The following TOGARAM1 variants were observed in gnomAD, a reference collection of about 807,000 sequenced individuals.
The protein encoded by TOGARAM1 is TOG array regulator of axonemal microtubules 1, also known as TOG array regulator of axonemal microtubules protein 1.
A neutral mutation model predicts 166.6 loss-of-function variants in TOGARAM1; 100 were observed. The ratio of observed to expected loss-of-function variants is 0.60; its 90% CI spans 0.51 to 0.71. The LOEUF (loss-of-function observed/expected upper bound fraction) is 0.71, where lower values mean the gene tolerates loss of function less well. Ranked by LOEUF, TOGARAM1 falls within the 30% of genes least tolerant of loss-of-function variation. The pLI is 0.00. For synonymous variants in TOGARAM1, 758 were observed against 763.8 expected (o/e 0.99, Z 0.13); for missense variants, 2,029 against 2,102.7 (o/e 0.96, Z 0.69).
At chr14:45,028,582 G>A (rs966782027) in intron 10 of TOGARAM1, among the ~76,000 whole-genome samples, 2 of 152,100 alleles carry the variant, frequency 1.3e-5, no homozygotes, top group African/African-American at 4.8e-5. Context: ...AAATATTCCT[G>A]TTTTACTGAG....
At chr14:45,016,014 A>G (rs774107633) in intron 7 of TOGARAM1, among the ~76,000 whole-genome samples, 2 of 152,160 alleles carry the variant, frequency 1.3e-5, no homozygotes, top group Non-Finnish European at 2.9e-5. Context: ...AAATGGGGAA[A>G]TAGCTATCTC....
chr14:44,985,184 T>A (rs1003125558), intron 1 of TOGARAM1, among the ~76,000 whole-genome samples: 4 of 152,150 alleles, frequency 2.6e-5, no homozygotes, highest in African/African-American at 4.8e-5. Flanking sequence ...TGGCTAATTT[T>A]TGTATTTTTA....
At chr14:44,983,880 T>A (rs887429409) in intron 1 of TOGARAM1, among the ~76,000 whole-genome samples, 4 of 152,212 alleles carry the variant, frequency 2.6e-5, no homozygotes, top group African/African-American at 9.6e-5. Flanking sequence ...TTAGTGTAAA[T>A]GTTGCTTATG....
At position 45,004,151 on chromosome 14, in the gene TOGARAM1, C is replaced by T; in HGVS notation, c.2429C>T (p.Pro810Leu). Residue 810 changes from proline (P) to leucine (L), a missense_variant, in exon 4 of 20, where the codon CCA (proline) becomes CTA (leucine). Pro to Leu is a moderately conservative substitution (Grantham distance 98). Around this residue, in one of 2 missense-constraint regions of TOGARAM1, gnomAD observed 1,453 missense variants for 1,432.2 expected, o/e 1.01. Transcript: ENST00000361462. ...TCCTCAAATGGTCAAAATCCAAGTC[C>T]AGGAGCTTACATCCTTCCATCCTAT... The part of the protein sequence containing the change: ...CTSSNGQNPS[P>L]GAYILPSYPV... 1.2e-6 allele frequency: 2 copies of T among 1,614,110 alleles called. No homozygotes were observed. Among genetic ancestry groups the T allele is most frequent in the Non-Finnish European group, 1.7e-6 (2 of 1,180,002 alleles).
Position 44,963,634 on chromosome 14 carries a change from G to A in TOGARAM1, c.1213G>A (p.Asp405Asn). The change falls in exon 1 of 20, where the codon GAT becomes AAT. Residue 405 changes from aspartate (D) to asparagine (N), a missense_variant. Transcript: ENST00000361462. ...TAGTTTGCTATATAATTTGTTAGACGATTCTAACTTCAAAGTGGTGCATGG... is the reference window on the plus strand; with the variant it reads ...TAGTTTGCTATATAATTTGTTAGACAATTCTAACTTCAAAGTGGTGCATGG... Reference protein sequence around the residue: ...FISLLYNLLDDSNFKVVHGTL... With the variant: ...FISLLYNLLDNSNFKVVHGTL... The A allele has an allele frequency of 1.9e-6, 3 of 1,613,244 alleles. No homozygotes were observed. Among genetic ancestry groups the A allele is most frequent in the Non-Finnish European group, 2.5e-6 (3 of 1,180,006 alleles).
intron 3 of TOGARAM1, among the ~76,000 whole-genome samples, chr14:45,000,351 C>T (rs1887640397): frequency 6.6e-6 from 1 of 152,136 alleles, no homozygotes; most frequent in African/African-American, 2.4e-5. Context: ...ACCTACTTCT[C>T]ACTGCCCTTG....
intron 8 of TOGARAM1, among the ~76,000 whole-genome samples, chr14:45,027,086 A>G (rs567246960): frequency 2.0e-4 from 30 of 152,312 alleles, no homozygotes; most frequent in African/African-American, 7.0e-4. Context: ...TATAATATGC[A>G]GCTCTCACTT....
chr14:45,069,862 AT>A (rs1447175310), intron 18 of TOGARAM1, among the ~76,000 whole-genome samples: 3 of 152,130 alleles, frequency 2.0e-5, no homozygotes, highest in African/African-American at 7.2e-5. Flanking sequence ...AGAACAAAAT[AT>A]TAGGAACATG....
At chr14:44,965,294 G>A (rs1566592098) in intron 1 of TOGARAM1, among the ~76,000 whole-genome samples, 1 of 152,120 alleles carries the variant, frequency 6.6e-6, no homozygotes, top group African/African-American at 2.4e-5. Context: ...GTAACAGACA[G>A]CCTGTATTTA....
At chr14:45,045,307 G>GC (rs940146397) in intron 13 of TOGARAM1, among the ~76,000 whole-genome samples, 14 of 150,782 alleles carry the variant, frequency 9.3e-5, no homozygotes, top group Non-Finnish European at 1.6e-4. Flanking sequence ...TTTATCCCTC[G>GC]CCCCCCTCCT....
In TOGARAM1 at chr14:44,962,193, T is replaced by A. The variant is rs1885168357; in HGVS notation, c.-229T>A. ...CATGGAAGCAATCGGTTTGGTCACG[T>A]GGTGCCCTTGGTTACGCCCGGTGGC... is the stretch of plus-strand genomic sequence containing the variant. On this transcript the variant is annotated 5_prime_UTR_variant, in exon 1 of 20. Coordinates refer to ENST00000361462, the MANE Select transcript of TOGARAM1 (RefSeq NM_001308120.2). 2.0e-6 allele frequency: 1 copy of A among 495,028 alleles called. No individual in the cohort carries two copies. Among genetic ancestry groups the A allele is most frequent in the Admixed American group, 3.7e-5 (1 of 26,998 alleles). The allele number at this position is 495,028 out of a possible 1,614,324, so 30.7% of individuals were successfully genotyped here.
intron 10 of TOGARAM1, among the ~76,000 whole-genome samples, chr14:45,031,817 A>G (rs1881174773): frequency 1.3e-5 from 2 of 152,206 alleles, no homozygotes; most frequent in African/African-American, 2.4e-5. Flanking sequence ...AGTTTCCATA[A>G]TAAATATTCA....
intron 1 of TOGARAM1, among the ~76,000 whole-genome samples, chr14:44,975,851 A>G (rs1886157686): frequency 6.9e-6 from 1 of 145,540 alleles, no homozygotes; most frequent in Non-Finnish European, 1.5e-5. Context: ...CAGCTTTGGT[A>G]TTAGGACAAC....
At chr14:44,984,808 A>G (rs1011847178) in intron 1 of TOGARAM1, among the ~76,000 whole-genome samples, 5 of 151,930 alleles carry the variant, frequency 3.3e-5, no homozygotes, top group Non-Finnish European at 7.4e-5. Context: ...AATAATAATT[A>G]AAAAAGAAAA....
At chr14:44,967,359 C>A (rs1414389334) in intron 1 of TOGARAM1, among the ~76,000 whole-genome samples, 1 of 152,078 alleles carries the variant, frequency 6.6e-6, no homozygotes, top group East Asian at 1.9e-4. Context: ...ACAGTAACCC[C>A]CCTCCCCCCA....
intron 6 of TOGARAM1, among the ~76,000 whole-genome samples, chr14:45,010,729 GC>G (rs1224195150): frequency 6.6e-6 from 1 of 152,012 alleles, no homozygotes; most frequent in Non-Finnish European, 1.5e-5. Flanking sequence ...TTCTTATCCA[GC>G]TTGCATACTG....
At chr14:45,042,628 A>C (rs567528371) in intron 11 of TOGARAM1, among the ~76,000 whole-genome samples, 1 of 152,308 alleles carries the variant, frequency 6.6e-6, no homozygotes, top group East Asian at 1.9e-4. Flanking sequence ...TATAATTATA[A>C]TCTTTTAAAT....
chr14:45,012,647 A>G (rs1427467386), intron 7 of TOGARAM1, among the ~76,000 whole-genome samples: 1 of 149,086 alleles, frequency 6.7e-6, no homozygotes, highest in Non-Finnish European at 1.5e-5. Context: ...GTGATTCTTC[A>G]TTATGATTAG....
intron 10 of TOGARAM1, among the ~76,000 whole-genome samples, chr14:45,030,872 GTC>G (rs1881118074): frequency 6.6e-6 from 1 of 152,098 alleles, no homozygotes; most frequent in South Asian, 2.1e-4. Flanking sequence ...AAATTTCTTA[GTC>G]TCTGTAAAAT....
Sources: gnomAD v4.1 joint callset for allele counts (sites outside exome capture counted in the v4.1 genomes callset) on GRCh38, gnomAD v4.1.1 for gene constraint, gnomAD v4.1.1 regional missense constraint, MANE v1.5 for transcripts, NCBI Gene and HGNC (gene_info 2026-07-23, HGNC 2026-07-21) for gene names.